Variants in THADA observed in about 807,000 individuals in gnomAD.
THADA encodes tRNA (32-2'-O)-methyltransferase regulator THADA.
In THADA, 213 loss-of-function variants were observed where a neutral mutation model predicts 219.8. The ratio of observed to expected loss-of-function variants is 0.97; its 90% confidence interval spans 0.87 to 1.09. The LOEUF (loss-of-function observed/expected upper bound fraction) is 1.09, where lower values mean the gene tolerates loss of function less well. Ranked by LOEUF, THADA falls within the 50% of genes least tolerant of loss-of-function variation. THADA has a pLI of 0.00. For synonymous variants in THADA, 1,018 were observed against 828.9 expected (o/e 1.23, Z -3.92); for missense variants, 2,956 against 2,311.3 (o/e 1.28, Z -5.72).
At chr2:43,569,786 G>T (rs1699096144) in intron 14 of THADA, among the ~76,000 whole-genome samples, 2 of 152,136 alleles carry the variant, frequency 1.3e-5, no homozygotes, top group Non-Finnish European at 2.9e-5. Flanking sequence ...GCTAGATTTG[G>T]GGGAAGAACA....
intron 35 of THADA, among the ~76,000 whole-genome samples, chr2:43,285,981 C>G (rs1673955217): frequency 6.6e-6 from 1 of 152,222 alleles, no homozygotes; most frequent in Non-Finnish European, 1.5e-5. Flanking sequence ...GAATTTTCCT[C>G]TATATCAACC....
At chr2:43,445,520 T>C (rs1451160020) in intron 26 of THADA, among the ~76,000 whole-genome samples, 3 of 152,206 alleles carry the variant, frequency 2.0e-5, no homozygotes, top group Non-Finnish European at 4.4e-5. Context: ...TAGCGATGGA[T>C]CTACCAGGAA....
chr2:43,353,863 G>A (rs1668567137), intron 29 of THADA, among the ~76,000 whole-genome samples: 1 of 150,024 alleles, frequency 6.7e-6, no homozygotes, highest in Non-Finnish European at 1.5e-5. Context: ...TGTTGCCCAG[G>A]CTGGAGTGCA....
At chr2:43,267,754 C>T (rs1286431835) in intron 36 of THADA, among the ~76,000 whole-genome samples, 1 of 151,774 alleles carries the variant, frequency 6.6e-6, no homozygotes, top group Non-Finnish European at 1.5e-5. Flanking sequence ...AGGTGTGCGC[C>T]CCTAATCATA....
chr2:43,368,061 T>C (rs1333039576), intron 29 of THADA, among the ~76,000 whole-genome samples: 1 of 152,100 alleles, frequency 6.6e-6, no homozygotes, highest in Non-Finnish European at 1.5e-5. Context: ...GAGGTTGCAG[T>C]GAGCCGAGAT....
chr2:43,270,618 A>C (rs1222611770), intron 36 of THADA, among the ~76,000 whole-genome samples: 3 of 152,032 alleles, frequency 2.0e-5, no homozygotes, highest in East Asian at 3.9e-4. Context: ...CGGAGCTCCA[A>C]CTCTGGCTCT....
intron 28 of THADA, among the ~76,000 whole-genome samples, chr2:43,408,761 C>A (rs1302827871): frequency 6.6e-6 from 1 of 152,184 alleles, no homozygotes; most frequent in African/African-American, 2.4e-5. Flanking sequence ...TTTAAACATT[C>A]CAGGCAGATA....
At chr2:43,565,483 T>C (rs928337097) in intron 15 of THADA, 3 of 151,608 alleles carry the variant, frequency 2.0e-5, no homozygotes, top group African/African-American at 7.3e-5. Context: ...TAGCTATTCA[T>C]TGAACCAGTC....
At chr2:43,572,531 G>A (rs529511928) in intron 12 of THADA, among the ~76,000 whole-genome samples, 1 of 152,264 alleles carries the variant, frequency 6.6e-6, no homozygotes, top group Admixed American at 6.5e-5. Context: ...TTCCAAGCGA[G>A]TCCTTATGTA....
chr2:43,462,320 T>A (rs955411936), intron 26 of THADA, among the ~76,000 whole-genome samples: 2 of 152,138 alleles, frequency 1.3e-5, no homozygotes, highest in Admixed American at 6.5e-5. Flanking sequence ...CCAAAAAATG[T>A]CCATGAAAGC....
At chr2:43,543,877 T>G (rs901597911) in intron 20 of THADA, among the ~76,000 whole-genome samples, 8 of 151,850 alleles carry the variant, frequency 5.3e-5, no homozygotes, top group Non-Finnish European at 1.0e-4. Context: ...TTAGTTTAAT[T>G]AGATCCCATT....
At position 43,571,622 on chromosome 2, in the gene THADA, C is replaced by T. The variant is rs746002429; in HGVS notation, c.2064+85G>A. The T allele has an allele frequency of 1.4e-5, 20 of 1,402,264 alleles. No individual in the cohort carries two copies. The Admixed American group carries it at 2.3e-4, about 16-fold the overall frequency. 86.9% of individuals were successfully genotyped at this position (1,402,264 alleles called of 1,614,324 possible). A position where few individuals can be genotyped will look rare whatever the true frequency, so the allele number is the denominator to read the frequency against. ...GCCCAATTCCATGACCATTCCCACA[C>T]GCTCCCAAAATCTGGGCTCTTTTTA... is the stretch of plus-strand genomic sequence containing the variant. On this transcript the variant is annotated intron_variant, in intron 13 of 37. Coordinates refer to ENST00000405975, the MANE Select transcript of THADA (RefSeq NM_022065.5).
chr2:43,349,603 C>T (rs1320881819), intron 29 of THADA, among the ~76,000 whole-genome samples: 3 of 152,116 alleles, frequency 2.0e-5, no homozygotes, highest in Non-Finnish European at 4.4e-5. Context: ...CAATTTTCCC[C>T]CTTATAAAAT....
chr2:43,455,013 T>C (rs990221729), intron 26 of THADA, among the ~76,000 whole-genome samples: 3 of 152,122 alleles, frequency 2.0e-5, no homozygotes, highest in Non-Finnish European at 2.9e-5. Context: ...CTAGGACTCA[T>C]GTTCTTTAGT....
chr2:43,318,600 G>T (rs72877366), intron 31 of THADA, among the ~76,000 whole-genome samples: 1,761 of 152,278 alleles, frequency 0.012, 13 homozygotes, highest in Middle Eastern at 0.024. Context: ...GTATTGGATA[G>T]TGCAGGACAA....
At chr2:43,477,190 C>T (rs1432442693) in intron 26 of THADA, among the ~76,000 whole-genome samples, 2 of 151,918 alleles carry the variant, frequency 1.3e-5, no homozygotes, top group Non-Finnish European at 2.9e-5. Flanking sequence ...AGTATCCCGA[C>T]AGCAGTATTC....
At chr2:43,303,089 G>T (rs1434262553) in intron 31 of THADA, among the ~76,000 whole-genome samples, 4 of 152,172 alleles carry the variant, frequency 2.6e-5, no homozygotes, top group Non-Finnish European at 5.9e-5. Context: ...GCTTCTTGAG[G>T]CTAGTCTGTT....
In THADA at chr2:43,574,350, A is replaced by G. The variant is rs199908402; in HGVS notation, c.1715T>C (p.Ile572Thr). 218 of 1,569,102 alleles carry G rather than the reference A, an allele frequency of 1.4e-4. 1 individual carries two copies. Among genetic ancestry groups the G allele is most frequent in the Middle Eastern group, 8.5e-4 (5 of 5,870 alleles). ...ATTTTTCTTACCAGTTTTAGCATCA[A>G]TAGAAGTCTGAAGAATCTTTACCAT... ...QYMVKILQTS[I>T]DAKTGQEQSF... Residue 572 changes from isoleucine (I) to threonine (T), a missense_variant, in exon 11 of 38, where the codon ATT (isoleucine) becomes ACT (threonine). Physicochemically the swap from Ile to Thr is moderately conservative, Grantham distance 89. Coordinates refer to ENST00000405975, the MANE Select transcript of THADA (RefSeq NM_022065.5).
chr2:43,378,274 G>A (rs1671613224), intron 29 of THADA, among the ~76,000 whole-genome samples: 2 of 152,080 alleles, frequency 1.3e-5, no homozygotes, highest in Non-Finnish European at 1.5e-5. Context: ...TGGAATCAGT[G>A]AACTAGAAAA....
Sources: gnomAD v4.1 joint callset for allele counts (sites outside exome capture counted in the v4.1 genomes callset) on GRCh38, gnomAD v4.1.1 for gene constraint, MANE v1.5 for transcripts, NCBI Gene and HGNC (gene_info 2026-07-23, HGNC 2026-07-21) for gene names.